Variants in SGSM1 observed in about 807,000 individuals in gnomAD.
The protein encoded by SGSM1 is RUN and TBC1 domain containing 2.
Under a neutral mutation model 133.8 loss-of-function variants are expected in SGSM1, and 73 were observed. The observed-to-expected ratio is 0.55, with a 90% CI of 0.45 to 0.66. The LOEUF (loss-of-function observed/expected upper bound fraction) is 0.66. SGSM1 is among the 30% of genes least tolerant of loss of function. The pLI, the probability that SGSM1 is intolerant of heterozygous loss-of-function variation, is 0.00. For synonymous variants in SGSM1, 563 were observed against 573.0 expected, an observed-to-expected ratio of 0.98 and a Z score of 0.25; for missense variants, 1,213 against 1,448.1, an observed-to-expected ratio of 0.84 and a Z score of 2.64.
At chr22:24,906,998 C>T (rs190831836) in intron 21 of SGSM1, among the ~76,000 whole-genome samples, 131 of 150,508 alleles carry the variant, frequency 8.7e-4, no homozygotes, top group Non-Finnish European at 1.2e-3. Context: ...TGGTGGATCA[C>T]GCCTGTAATC....
intron 22 of SGSM1, among the ~76,000 whole-genome samples, chr22:24,914,677 C>T (rs1023048246): frequency 1.3e-5 from 2 of 152,148 alleles, no homozygotes. Flanking sequence ...TTACTCCCCA[C>T]TTTACATAAA....
chr22:24,812,169 C>CA lies in SGSM1; in HGVS notation c.63+5692dup, dbSNP rs1351864022. Among the ~76,000 whole-genome samples the CA allele has an allele frequency of 6.4e-3, 451 of 69,978 alleles. 1 individual carries two copies. Among genetic ancestry groups the CA allele is most frequent in the South Asian group, 0.015 (34 of 2,250 alleles). 45.9% of individuals were successfully genotyped at this position (69,978 alleles called of 152,430 possible). On this transcript the variant is annotated intron_variant, in intron 2 of 24. Transcript: ENST00000400358. ...TGGGTGACAAAGCAAGACTCCGTCTCAAAAAAAGAAAAAAAAAAAGAAAAG... is the reference window on the plus strand; with the variant it reads ...TGGGTGACAAAGCAAGACTCCGTCTCAAAAAAAAGAAAAAAAAAAAGAAAAG...
rs559956993 is a variant in SGSM1 at position 24,881,657 on chromosome 22, C to T, written c.1495+2131C>T. Among the ~76,000 whole-genome samples the T allele has an allele frequency of 3.7e-4, 56 of 152,172 alleles. 1 individual carries two copies. Among genetic ancestry groups the T allele is most frequent in the Admixed American group, 3.1e-3 (48 of 15,272 alleles). On this transcript the variant is annotated intron_variant, in intron 14 of 24. Transcript: ENST00000400358. The stretch of plus-strand genomic sequence containing the variant: ...CTGGGAACAGTTCCTTGCCATGCAG[C>T]GTGTGTTGTGTAAGTGTTAGCTATT...
chr22:24,885,491 T>A (rs1056383788), intron 15 of SGSM1, among the ~76,000 whole-genome samples: 15 of 141,682 alleles, frequency 1.1e-4, no homozygotes, highest in African/African-American at 4.0e-4. Context: ...CGGGCTGGAG[T>A]GCAGTGGCAC....
At chr22:24,827,603 A>G (rs569183422) in intron 2 of SGSM1, among the ~76,000 whole-genome samples, 4 of 152,004 alleles carry the variant, frequency 2.6e-5, no homozygotes, top group Non-Finnish European at 5.9e-5. Context: ...GATGCCCATG[A>G]GCACCTCCTG....
Position 24,838,655 on chromosome 22 carries a change from A to G in SGSM1, c.64-6242A>G, listed in dbSNP as rs116122012. Among the ~76,000 whole-genome samples, 1,189 of 152,142 alleles carry G rather than the reference A, an allele frequency of 7.8e-3. 17 individuals carry two copies. Among genetic ancestry groups the G allele is most frequent in the African/African-American group, 0.027 (1,120 of 41,490 alleles). On this transcript the variant is annotated intron_variant, in intron 2 of 24. Coordinates refer to ENST00000400358, the MANE Select transcript of SGSM1 (RefSeq NM_001098497.3). ...ACTTTCTTCTTTGAATGGGCATGAC[A>G]CCCTTGACAAAAATCATTTGATTAT...
intron 13 of SGSM1, among the ~76,000 whole-genome samples, chr22:24,877,804 T>TC (rs1932101937): frequency 1.0e-5 from 1 of 98,898 alleles, no homozygotes; most frequent in Non-Finnish European, 2.0e-5. Context: ...CTTTCTTTCT[T>TC]TTTTTTTTTT....
chr22:24,835,493 T>C (rs1929373068), intron 2 of SGSM1, among the ~76,000 whole-genome samples: 1 of 152,002 alleles, frequency 6.6e-6, no homozygotes, highest in South Asian at 2.1e-4. Context: ...AGCAAAATCA[T>C]GTAGCGTGGT....
chr22:24,908,671 G>A (rs1264612340), intron 21 of SGSM1, among the ~76,000 whole-genome samples: 2 of 151,776 alleles, frequency 1.3e-5, no homozygotes, highest in South Asian at 2.1e-4. Flanking sequence ...GCGTGGTGGC[G>A]GGCGCCTGTA....
chr22:24,917,751 C>G lies in SGSM1; in HGVS notation c.3022C>G (p.Arg1008Gly). The G allele has an allele frequency of 6.2e-7, 1 of 1,612,890 alleles. No homozygotes were observed. The highest frequency in any genetic ancestry group is 8.5e-7 in the Non-Finnish European group (1 of 1,179,280). The stretch of plus-strand genomic sequence containing the variant: ...CCGCTGGTTCCTGCTGGATTTCAAG[C>G]GAGGTACAGACTTTAAATTGGGGAC... ...CYRWFLLDFK[R>G]ELVYDDVFLV... Residue 1008 changes from arginine (R) to glycine (G), a missense_variant, in exon 23 of 25, where the codon CGA (arginine) becomes GGA (glycine). Transcript: ENST00000400358.
intron 16 of SGSM1, among the ~76,000 whole-genome samples, chr22:24,888,634 C>T (rs111335532): frequency 0.16 from 24,170 of 151,910 alleles, 2,162 homozygotes; most frequent in South Asian, 0.31. Context: ...CAAAAATCAG[C>T]TGGGCATGGT....
At chr22:24,923,337 C>T (rs553219892) in intron 24 of SGSM1, among the ~76,000 whole-genome samples, 100 of 148,508 alleles carry the variant, frequency 6.7e-4, no homozygotes, top group African/African-American at 2.3e-3. Context: ...GGAACCATGT[C>T]TTAGTTTTAG....
At chr22:24,872,522 TTAGATGTTAAAATAGTAA>T (rs768122289) in intron 12 of SGSM1, among the ~76,000 whole-genome samples, 3 of 152,156 alleles carry the variant, frequency 2.0e-5, no homozygotes, top group Non-Finnish European at 4.4e-5. Flanking sequence ...TTTATATTGA[TTAGATGTTAAAATAGTAA>T]CATTTTGGAT....
chr22:24,871,198 C>T (rs1490501548), intron 12 of SGSM1, among the ~76,000 whole-genome samples: 1 of 152,138 alleles, frequency 6.6e-6, no homozygotes, highest in Non-Finnish European at 1.5e-5. Context: ...CTAGACATTG[C>T]CAGGTGTCCT....
chr22:24,917,824 T>C, intron 23 of SGSM1, 70 bp downstream of exon 23: 1 of 1,351,598 alleles, frequency 7.4e-7, no homozygotes, highest in East Asian at 2.3e-5. Flanking sequence ...AAAGATCCCG[T>C]GGAGGTGAGG....
At chr22:24,839,605 T>C (rs564161495) in intron 2 of SGSM1, among the ~76,000 whole-genome samples, 2 of 152,230 alleles carry the variant, frequency 1.3e-5, no homozygotes, top group Non-Finnish European at 2.9e-5. Flanking sequence ...AGTGAAGCCA[T>C]GTGGTCCTGG....
At chr22:24,874,844 G>A (rs911981809) in intron 12 of SGSM1, among the ~76,000 whole-genome samples, 2 of 152,218 alleles carry the variant, frequency 1.3e-5, no homozygotes, top group Non-Finnish European at 2.9e-5. Flanking sequence ...GCCATGCTTG[G>A]GCTAAACTGG....
At chr22:24,872,459 G>T (rs1931813002) in intron 12 of SGSM1, among the ~76,000 whole-genome samples, 1 of 151,946 alleles carries the variant, frequency 6.6e-6, no homozygotes, top group African/African-American at 2.4e-5. Context: ...TGCTGGAAGT[G>T]TAAGACACAC....
chr22:24,841,019 T>A (rs1481153018), intron 2 of SGSM1, among the ~76,000 whole-genome samples: 1 of 151,930 alleles, frequency 6.6e-6, no homozygotes, highest in Non-Finnish European at 1.5e-5. Context: ...CCCGGCTAAT[T>A]TTTTGTATTT....
Sources: gnomAD v4.1 joint callset for allele counts (sites outside exome capture counted in the v4.1 genomes callset) on GRCh38, gnomAD v4.1.1 for gene constraint, MANE v1.5 for transcripts, NCBI Gene and HGNC (gene_info 2026-07-23, HGNC 2026-07-21) for gene names.